The following KREMEN1 variants were observed in gnomAD, a reference collection of about 807,000 sequenced individuals.
The protein encoded by KREMEN1 is kremen protein 1.
A neutral mutation model predicts 46.5 loss-of-function variants in KREMEN1; 30 were observed. The ratio of observed to expected loss-of-function variants is 0.65; its 90% CI spans 0.48 to 0.88. The LOEUF (loss-of-function observed/expected upper bound fraction) is 0.88. Among genes scored for constraint, KREMEN1 ranks in the 40% least tolerant of loss-of-function variants. The pLI is 0.00. For synonymous variants in KREMEN1, 214 were observed against 230.6 expected (o/e 0.93, Z 0.65); for missense variants, 533 against 596.9 (o/e 0.89, Z 1.11).
rs148227617 is a variant in KREMEN1, at chr22:29,099,221, C to A, written c.352+268C>A. ...TCCTACTTTTGGTTAATTTCTGATT[C>A]TTTCAGGTATAGAGAGGGCAACCGC... On this transcript the variant is annotated intron_variant, in intron 3 of 8. Transcript: ENST00000400335. The A allele has an allele frequency of 1.1e-4, 41 of 360,330 alleles. No homozygotes were observed. In the East Asian group the frequency reaches 2.0e-3, roughly 18 times the overall value. 22.3% of individuals were successfully genotyped at this position (360,330 alleles called of 1,614,324 possible). A position where few individuals can be genotyped will look rare whatever the true frequency, so the allele number is the denominator to read the frequency against.
intron 9 of KREMEN1, among the ~76,000 whole-genome samples, chr22:29,160,232 A>G (rs1345713143): frequency 6.6e-6 from 1 of 152,106 alleles, no homozygotes; most frequent in Non-Finnish European, 1.5e-5. Flanking sequence ...GAAGACGGAA[A>G]ATACTAAGAA....
chr22:29,144,879 C>G lies in KREMEN1; in HGVS notation c.*2767C>G, dbSNP rs867801118. ...GCCTGCAGCGGGGGCAGCACTTCCT[C>G]GGAGGGCCTGGGAGGTGCTGGGGAT... On this transcript the variant is annotated 3_prime_UTR_variant, in exon 9 of 9. Transcript: ENST00000400335. The G allele has an allele frequency of 3.0e-6, 3 of 985,410 alleles. No homozygotes were observed. The highest frequency in any genetic ancestry group is 9.4e-5 in the South Asian group (2 of 21,294). The allele number at this position is 985,410 out of a possible 1,614,324, so 61.0% of individuals were successfully genotyped here.
intron 3 of KREMEN1, among the ~76,000 whole-genome samples, chr22:29,120,692 G>C (rs1053200663): frequency 8.5e-6 from 1 of 117,058 alleles, no homozygotes; most frequent in Non-Finnish European, 1.7e-5. Flanking sequence ...ATGGGCAGCT[G>C]CTAGGAGGTT....
Position 29,139,459 on chromosome 22 carries a change from T to A in KREMEN1, c.1123+677T>A, listed in dbSNP as rs117303308. On this transcript the variant is annotated intron_variant, in intron 7 of 8. Transcript: ENST00000400335. ...TCTACAAAAAATAAAAAAAATTATC[T>A]GGGTGTGGTGGTGCACGCTTGTGGT... 8.3e-4 allele frequency among the ~76,000 whole-genome samples: 126 copies of A among 152,032 alleles called. 4 individuals carry two copies. In the East Asian group the frequency reaches 0.024, roughly 29 times the overall value.
intron 5 of KREMEN1, among the ~76,000 whole-genome samples, chr22:29,133,263 A>AG (rs1291966964): frequency 8.6e-5 from 12 of 140,162 alleles, no homozygotes; most frequent in African/African-American, 3.4e-4. Flanking sequence ...AAAAAAAAAG[A>AG]AAAAAGAAAA....
At chr22:29,163,580 T>C (rs1463938030) in intron 9 of KREMEN1, among the ~76,000 whole-genome samples, 2 of 152,128 alleles carry the variant, frequency 1.3e-5, no homozygotes, top group Non-Finnish European at 2.9e-5. Context: ...TTTCATCATG[T>C]TGGCCAGGTT....
chr22:29,145,820 C>G lies in KREMEN1; in HGVS notation c.*3708C>G. On this transcript the variant is annotated 3_prime_UTR_variant, in exon 9 of 9. Coordinates refer to ENST00000400335, the MANE Select transcript of KREMEN1 (RefSeq NM_001039570.3). ...GCTCAAGACTCCAATCGGCCAGAAG[C>G]CCACAGAGATCAAAGCACTAGCAAG... The G allele has an allele frequency of 1.0e-6, 1 of 985,526 alleles. No individual in the cohort carries two copies. 61.0% of individuals were successfully genotyped at this position (985,526 alleles called of 1,614,324 possible).
At chr22:29,132,245 G>A (rs954734517) in intron 5 of KREMEN1, among the ~76,000 whole-genome samples, 4 of 152,044 alleles carry the variant, frequency 2.6e-5, no homozygotes, top group African/African-American at 9.7e-5. Flanking sequence ...GCTAAGAAGC[G>A]TTCCTTTGTA....
rs757670032 is a variant in KREMEN1, at chr22:29,144,098, C to T, written c.*1986C>T. ...CCTCTGCTGGCCAGGCCTAGGCCCT[C>T]GTCAGAGCGTGCCTCTCCACAAGGC... On this transcript the variant is annotated 3_prime_UTR_variant, in exon 9 of 9. Transcript: ENST00000400335. 16 of 985,422 alleles carry T rather than the reference C, an allele frequency of 1.6e-5. No homozygotes were observed. The highest frequency in any genetic ancestry group is 1.9e-5 in the Non-Finnish European group (16 of 829,994). The allele number at this position is 985,422 out of a possible 1,614,324, so 61.0% of individuals were successfully genotyped here.
In KREMEN1 at chr22:29,142,696, G is replaced by T; in HGVS notation, c.*584G>T. Reference sequence around the variant, plus strand: ...CGGCAGCTTTGCTCTCCAGATGCTGGACTAGGGTGGGCCTCCTTCAGCCTG... The same window carrying T: ...CGGCAGCTTTGCTCTCCAGATGCTGTACTAGGGTGGGCCTCCTTCAGCCTG... On this transcript the variant is annotated 3_prime_UTR_variant, in exon 9 of 9. Transcript: ENST00000400335. 1.0e-6 allele frequency: 1 copy of T among 985,276 alleles called. No individual in the cohort carries two copies. The highest frequency in any genetic ancestry group is 1.2e-6 in the Non-Finnish European group (1 of 829,768). The allele number at this position is 985,276 out of a possible 1,614,324, so 61.0% of individuals were successfully genotyped here.
chr22:29,114,463 G>T (rs912357438), intron 3 of KREMEN1, among the ~76,000 whole-genome samples: 3 of 121,862 alleles, frequency 2.5e-5, no homozygotes, highest in African/African-American at 6.7e-5. Flanking sequence ...TCCAGCCTGT[G>T]CAACAAGAGT....
intron 5 of KREMEN1, 69 bp downstream of exon 5, chr22:29,125,485 C>T: frequency 1.4e-6 from 2 of 1,451,530 alleles, no homozygotes; most frequent in Non-Finnish European, 9.5e-7. Flanking sequence ...CAAGCCTGCC[C>T]ACCCTCCCTC....
chr22:29,098,983 T>C, intron 3 of KREMEN1, 30 bp downstream of exon 3: 2 of 1,507,846 alleles, frequency 1.3e-6, no homozygotes, highest in Non-Finnish European at 1.8e-6. Context: ...TGTGATGGTT[T>C]ACAGGACTGT....
At chr22:29,100,771 C>T (rs1418069312) in intron 3 of KREMEN1, among the ~76,000 whole-genome samples, 2 of 152,170 alleles carry the variant, frequency 1.3e-5, no homozygotes, top group African/African-American at 4.8e-5. Flanking sequence ...CAGATGACAG[C>T]TCCATGTGGG....
At chr22:29,105,474 C>T (rs56197481) in intron 3 of KREMEN1, among the ~76,000 whole-genome samples, 6 of 114,942 alleles carry the variant, frequency 5.2e-5, no homozygotes, top group African/African-American at 1.5e-4. Context: ...CACACACACA[C>T]ACATACACAC....
chr22:29,116,000 T>G (rs1246856315), intron 3 of KREMEN1, among the ~76,000 whole-genome samples: 1 of 152,062 alleles, frequency 6.6e-6, no homozygotes, highest in African/African-American at 2.4e-5. Flanking sequence ...AAGTTTGGAC[T>G]TTATCCTGGG....
chr22:29,149,451 G>A (rs866556346), downstream of KREMEN1, among the ~76,000 whole-genome samples: 2 of 152,124 alleles, frequency 1.3e-5, no homozygotes, highest in Non-Finnish European at 1.5e-5. Context: ...GTGAGCCACC[G>A]CGTCCGACCC....
chr22:29,125,047 T>C (rs1318311541), intron 4 of KREMEN1: 3 of 546,108 alleles, frequency 5.5e-6, no homozygotes, highest in African/African-American at 3.8e-5. Context: ...CATTAAAAAG[T>C]GATGCTCGCC....
chr22:29,144,933 C>G lies in KREMEN1; in HGVS notation c.*2821C>G, dbSNP rs1601815827. On this transcript the variant is annotated 3_prime_UTR_variant, in exon 9 of 9. Coordinates refer to ENST00000400335, the MANE Select transcript of KREMEN1 (RefSeq NM_001039570.3). ...CCAGCGCTTCTCTTCCTGCCTCGCC[C>G]TGGCATGGCCCAGCGCCTCTAGGAT... 3 of 985,548 alleles carry G rather than the reference C, an allele frequency of 3.0e-6. No individual in the cohort carries two copies. Among genetic ancestry groups the G allele is most frequent in the African/African-American group, 3.5e-5 (2 of 57,382 alleles). The allele number at this position is 985,548 out of a possible 1,614,324, so 61.1% of individuals were successfully genotyped here. A position where few individuals can be genotyped will look rare whatever the true frequency, so the allele number is the denominator to read the frequency against.
Sources: gnomAD v4.1 joint callset for allele counts (sites outside exome capture counted in the v4.1 genomes callset) on GRCh38, gnomAD v4.1.1 for gene constraint, MANE v1.5 for transcripts, NCBI Gene and HGNC (gene_info 2026-07-23, HGNC 2026-07-21) for gene names.